FAM185A: variants seen among roughly 807,000 people sequenced by gnomAD.
FAM185A encodes the protein family with sequence similarity 185 member A, also known as protein FAM185A.
Under a neutral mutation model 45.7 loss-of-function variants are expected in FAM185A, and 21 were observed. That is an observed-to-expected ratio of 0.46 (90% CI 0.33 to 0.66). FAM185A has a LOEUF of 0.66. FAM185A is among the 30% of genes least tolerant of loss of function. The pLI is 0.03. For synonymous variants in FAM185A, 117 were observed against 194.0 expected (o/e 0.60, Z 3.30); for missense variants, 305 against 485.4 (o/e 0.63, Z 3.49).
intron 6 of FAM185A, among the ~76,000 whole-genome samples, chr7:102,785,602 G>A (rs1163583561): frequency 4.6e-5 from 7 of 150,722 alleles, no homozygotes; most frequent in African/African-American, 1.7e-4. Context: ...TTTAATAAAT[G>A]GTGCTGGGAA....
At chr7:102,796,042 G>C (rs1025284049) in intron 7 of FAM185A, among the ~76,000 whole-genome samples, 2 of 151,888 alleles carry the variant, frequency 1.3e-5, no homozygotes, top group African/African-American at 4.8e-5. Flanking sequence ...GGCTATGCAG[G>C]AGACCAGTTT....
intron 2 of FAM185A, among the ~76,000 whole-genome samples, chr7:102,752,363 C>G (rs1157774113): frequency 6.6e-6 from 1 of 151,450 alleles, no homozygotes; most frequent in Non-Finnish European, 1.5e-5. Flanking sequence ...CCTCTGACTC[C>G]CTGGTACAAG....
At chr7:102,834,440 AT>A in the FAM185A span, among the ~76,000 whole-genome samples, 1 of 130,180 alleles carries the variant, frequency 7.7e-6, no homozygotes, top group African/African-American at 3.3e-5. Context: ...GATTATATAT[AT>A]TATATATATG....
At chr7:102,836,502 A>C in the FAM185A span, among the ~76,000 whole-genome samples, 3 of 152,216 alleles carry the variant, frequency 2.0e-5, no homozygotes, top group East Asian at 5.8e-4. Flanking sequence ...ACTTCTATCG[A>C]TGCTGCTGAT....
chr7:102,782,067 G>C (rs1371654595), intron 6 of FAM185A, among the ~76,000 whole-genome samples: 6 of 152,326 alleles, frequency 3.9e-5, no homozygotes, highest in African/African-American at 4.8e-5. Flanking sequence ...GATGGAAGAT[G>C]AAATGAATGA....
the FAM185A span, among the ~76,000 whole-genome samples, chr7:102,816,007 G>A: frequency 1.3e-5 from 2 of 152,150 alleles, no homozygotes; most frequent in South Asian, 4.1e-4. Flanking sequence ...GGACAGAATC[G>A]AAATGAGCTG....
At chr7:102,805,639 C>G (rs188664528) in intron 7 of FAM185A, among the ~76,000 whole-genome samples, 2 of 152,084 alleles carry the variant, frequency 1.3e-5, no homozygotes, top group African/African-American at 4.8e-5. Flanking sequence ...AAAGAACTTA[C>G]TCATGCAACC....
intron 2 of FAM185A, among the ~76,000 whole-genome samples, chr7:102,754,738 A>G (rs75841291): frequency 0.08 from 12,148 of 151,894 alleles, 239 homozygotes; most frequent in East Asian, 0.19. Context: ...TCCTGACAAA[A>G]CATATGGTAA....
At chr7:102,793,246 C>T (rs952765667) in intron 7 of FAM185A, among the ~76,000 whole-genome samples, 1 of 152,052 alleles carries the variant, frequency 6.6e-6, no homozygotes, top group African/African-American at 2.4e-5. Context: ...GAGTCTCTCT[C>T]TATCACCCAG....
At chr7:102,843,813 A>G in the FAM185A span, among the ~76,000 whole-genome samples, 3 of 152,074 alleles carry the variant, frequency 2.0e-5, no homozygotes, top group East Asian at 1.9e-4. Context: ...TAAAAATCCA[A>G]TGTGAAGCAG....
chr7:102,753,031 C>T (rs1483886985), intron 2 of FAM185A, among the ~76,000 whole-genome samples: 1 of 151,954 alleles, frequency 6.6e-6, no homozygotes, highest in Non-Finnish European at 1.5e-5. Context: ...CATGTGTCCA[C>T]ATATGAATCA....
chr7:102,777,026 A>C (rs1795113497), intron 5 of FAM185A, among the ~76,000 whole-genome samples: 1 of 152,178 alleles, frequency 6.6e-6, no homozygotes, highest in Non-Finnish European at 1.5e-5. Context: ...TAAGTTATTC[A>C]GGTTAATATA....
At chr7:102,821,679 A>G in the FAM185A span, among the ~76,000 whole-genome samples, 1 of 152,212 alleles carries the variant, frequency 6.6e-6, no homozygotes, top group Non-Finnish European at 1.5e-5. Context: ...CCCTCAGTCA[A>G]GAGGCAAAAA....
intron 6 of FAM185A, 71 bp downstream of exon 6, chr7:102,777,419 T>G: frequency 9.9e-7 from 1 of 1,012,440 alleles, no homozygotes; most frequent in Non-Finnish European, 1.4e-6. Context: ...AGGAAACAGA[T>G]GGTCAAATTA....
intron 2 of FAM185A, among the ~76,000 whole-genome samples, chr7:102,756,378 C>T (rs576372176): frequency 1.1e-4 from 17 of 152,198 alleles, no homozygotes; most frequent in African/African-American, 4.1e-4. Flanking sequence ...TCAGACTAGG[C>T]CGGGTGCAGT....
intron 6 of FAM185A, among the ~76,000 whole-genome samples, chr7:102,785,375 A>G (rs9718444): frequency 0.19 from 28,511 of 149,100 alleles, 3,029 homozygotes; most frequent in East Asian, 0.52. Context: ...TCGCCAAGTC[A>G]ATCCTAAGCC....
chr7:102,771,209 A>C (rs1019230679), intron 4 of FAM185A, among the ~76,000 whole-genome samples: 4 of 151,994 alleles, frequency 2.6e-5, no homozygotes. Flanking sequence ...AGTCTACTAG[A>C]TGGGGGATGG....
At chr7:102,819,922 C>T in the FAM185A span, among the ~76,000 whole-genome samples, 7 of 152,170 alleles carry the variant, frequency 4.6e-5, 1 homozygote, top group South Asian at 4.1e-4. Context: ...CGGAGCTGAT[C>T]GCAGAAAGCT....
At chr7:102,783,161 A>T (rs1441070310) in intron 6 of FAM185A, among the ~76,000 whole-genome samples, 1 of 151,240 alleles carries the variant, frequency 6.6e-6, no homozygotes, top group African/African-American at 2.4e-5. Flanking sequence ...AAGTCCTTAG[A>T]GACCTACAAG....
Sources: gnomAD v4.1 joint callset for allele counts (sites outside exome capture counted in the v4.1 genomes callset) on GRCh38, gnomAD v4.1.1 for gene constraint, MANE v1.5 for transcripts, NCBI Gene and HGNC (gene_info 2026-07-23, HGNC 2026-07-21) for gene names.